PARD3B: variants seen among roughly 807,000 people sequenced by gnomAD.
PARD3B encodes the protein partitioning defective 3 homolog B.
In PARD3B, 103 loss-of-function variants were observed where a neutral mutation model predicts 130.2. That is an observed-to-expected ratio of 0.79 (90% CI 0.67 to 0.93). The LOEUF is 0.93. Ranked by LOEUF, PARD3B falls within the 40% of genes least tolerant of loss-of-function variation. The pLI is 0.00. For missense variants in PARD3B, 1,609 were observed against 1,499.2 expected, an observed-to-expected ratio of 1.07 and a Z score of -1.21; for synonymous variants, 583 against 553.2, an observed-to-expected ratio of 1.05 and a Z score of -0.76.
intron 2 of PARD3B, among the ~76,000 whole-genome samples, chr2:204,910,138 G>C (rs1215160008): frequency 6.6e-6 from 1 of 152,140 alleles, no homozygotes; most frequent in Non-Finnish European, 1.5e-5. Flanking sequence ...TTGGACAAAG[G>C]AAATGTGTAA....
intron 22 of PARD3B, among the ~76,000 whole-genome samples, chr2:205,567,122 A>G (rs2053367669): frequency 6.6e-6 from 1 of 152,166 alleles, no homozygotes; most frequent in South Asian, 2.1e-4. Context: ...AAGAGGAACA[A>G]GTATCCAATT....
At position 205,039,994 on chromosome 2, in the gene PARD3B, C is replaced by T. The variant is rs999860917; in HGVS notation, c.395-7587C>T. ...TTTGTTTGTTTTTGAGACAGAGTCTCGCTCTGTTACCGAGGCTGGAGTGCA... is the reference window on the plus strand; with the variant it reads ...TTTGTTTGTTTTTGAGACAGAGTCTTGCTCTGTTACCGAGGCTGGAGTGCA... On this transcript the variant is annotated intron_variant, in intron 3 of 22. Transcript: ENST00000406610. 6.6e-5 allele frequency among the ~76,000 whole-genome samples: 10 copies of T among 152,168 alleles called. No individual in the cohort carries two copies. The South Asian group carries it at 1.0e-3, about 16-fold the overall frequency.
chr2:204,555,214 A>G (rs1454288733), intron 1 of PARD3B, among the ~76,000 whole-genome samples: 9 of 152,116 alleles, frequency 5.9e-5, no homozygotes, highest in Non-Finnish European at 1.3e-4. Context: ...CTTCGCTCTG[A>G]ATGCCAGTTT....
Position 204,854,827 on chromosome 2 carries a change from G to A in PARD3B, c.223-110325G>A, listed in dbSNP as rs539698787. Among the ~76,000 whole-genome samples the A allele has an allele frequency of 3.0e-4, 46 of 152,150 alleles. 2 individuals carry two copies. The highest frequency in any genetic ancestry group is 6.5e-4 in the African/African-American group (27 of 41,514). On this transcript the variant is annotated intron_variant, in intron 2 of 22. Coordinates refer to ENST00000406610, the MANE Select transcript of PARD3B (RefSeq NM_001302769.2). ...TATACACCCTGGGGTTCATCACTGC[G>A]CGCCAGGAAAATTTAGGTCCTGGAC...
intron 20 of PARD3B, among the ~76,000 whole-genome samples, chr2:205,468,694 T>C (rs2048718223): frequency 6.6e-6 from 1 of 152,148 alleles, no homozygotes; most frequent in African/African-American, 2.4e-5. Context: ...ATTTTCACGG[T>C]GAGCATCAGG....
intron 3 of PARD3B, among the ~76,000 whole-genome samples, chr2:205,007,276 C>T (rs1383134601): frequency 2.0e-5 from 3 of 152,148 alleles, no homozygotes; most frequent in Admixed American, 1.3e-4. Flanking sequence ...TTCAATTAAA[C>T]CTCTTTCCTT....
intron 18 of PARD3B, among the ~76,000 whole-genome samples, chr2:205,350,063 T>C (rs970106433): frequency 4.6e-5 from 7 of 152,274 alleles, no homozygotes; most frequent in African/African-American, 1.4e-4. Context: ...CATATGAATG[T>C]TTCTTTAGTT....
rs536899584 is a variant in PARD3B, at chr2:205,122,054, T to A, written c.1165+105T>A. ...TTAGTTAATTCTCCCTTCATTTAAT[T>A]GTATCAAAGAATAGATTTAAGTGTA... On this transcript the variant is annotated intron_variant, in intron 8 of 22. Transcript: ENST00000406610. This position sits in a 1 kb window ranked among gnomAD's most constrained non-coding sequence, Gnocchi z 4.3. 3.5e-5 allele frequency: 34 copies of A among 963,412 alleles called. 1 individual carries two copies. The African/African-American group carries it at 3.8e-4, about 11-fold the overall frequency. 59.7% of individuals were successfully genotyped at this position (963,412 alleles called of 1,614,324 possible). A position where few individuals can be genotyped will look rare whatever the true frequency, so the allele number is the denominator to read the frequency against.
intron 10 of PARD3B, among the ~76,000 whole-genome samples, chr2:205,154,129 A>T (rs2033952051): frequency 6.6e-6 from 1 of 152,144 alleles, no homozygotes; most frequent in Admixed American, 6.5e-5. Flanking sequence ...ATGGGAGAAA[A>T]TTTTTGCAAT....
rs1313329746 is a variant in PARD3B at position 204,734,696 on chromosome 2, G to C, written c.222+48414G>C. Among the ~76,000 whole-genome samples the C allele has an allele frequency of 2.6e-5, 4 of 152,250 alleles. No homozygotes were observed. In the East Asian group the frequency reaches 5.8e-4, roughly 22 times the overall value. On this transcript the variant is annotated intron_variant, in intron 2 of 22. Coordinates refer to ENST00000406610, the MANE Select transcript of PARD3B (RefSeq NM_001302769.2). ...GATTCCATTAAATGAAATTCTTAAA[G>C]AGCAAAACTGTAATGATACAAATTA...
intron 15 of PARD3B, among the ~76,000 whole-genome samples, chr2:205,237,141 C>T (rs1444587275): frequency 1.3e-5 from 2 of 152,176 alleles, no homozygotes; most frequent in Non-Finnish European, 1.5e-5. Context: ...CCCTTGTCGT[C>T]CAGGCTAGGG....
intron 2 of PARD3B, among the ~76,000 whole-genome samples, chr2:204,876,179 T>C (rs1387982788): frequency 3.9e-5 from 6 of 152,210 alleles, no homozygotes; most frequent in Non-Finnish European, 7.3e-5. Context: ...AAGGACATAC[T>C]GTATTCAGTA....
At chr2:204,771,452 A>C (rs1306368496) in intron 2 of PARD3B, among the ~76,000 whole-genome samples, 1 of 152,114 alleles carries the variant, frequency 6.6e-6, no homozygotes, top group Non-Finnish European at 1.5e-5. Flanking sequence ...ATAGTTTGTC[A>C]TAGCACCATT....
intron 2 of PARD3B, among the ~76,000 whole-genome samples, chr2:204,926,746 G>GATACA (rs1687653002): frequency 6.6e-6 from 1 of 151,978 alleles, no homozygotes; most frequent in South Asian, 2.1e-4. Flanking sequence ...AGAACCCAAG[G>GATACA]ATACACTCTA....
intron 2 of PARD3B, among the ~76,000 whole-genome samples, chr2:204,724,829 G>A (rs180850625): frequency 2.1e-5 from 3 of 140,072 alleles, no homozygotes; most frequent in Non-Finnish European, 3.1e-5. Flanking sequence ...ATATGTCATC[G>A]AATAGTGGGG....
At chr2:204,988,221 T>C (rs1384496071) in intron 3 of PARD3B, among the ~76,000 whole-genome samples, 1 of 152,222 alleles carries the variant, frequency 6.6e-6, no homozygotes, top group Non-Finnish European at 1.5e-5. Context: ...TCTGACATTT[T>C]GGAAATATTG....
At chr2:204,831,377 A>C (rs1273517954) in intron 2 of PARD3B, among the ~76,000 whole-genome samples, 1 of 152,242 alleles carries the variant, frequency 6.6e-6, no homozygotes, top group East Asian at 1.9e-4. Flanking sequence ...TATCACGCTT[A>C]TATAAAAACT....
Position 205,268,543 on chromosome 2 carries a change from C to G in PARD3B, c.2185+22721C>G, listed in dbSNP as rs916723442. 1.3e-5 allele frequency among the ~76,000 whole-genome samples: 2 copies of G among 151,876 alleles called. No individual in the cohort carries two copies. Reference sequence around the variant, plus strand: ...GAGAAAGAAAATTGAGTTTCAAGGACGTAGAAAAATCTGATTTGAAATCAG... The same window carrying G: ...GAGAAAGAAAATTGAGTTTCAAGGAGGTAGAAAAATCTGATTTGAAATCAG... On this transcript the variant is annotated intron_variant, in intron 16 of 22. Transcript: ENST00000406610. The surrounding 1 kb of genome is among the most constrained non-coding windows in gnomAD (Gnocchi z 4.1).
At chr2:204,859,584 A>C (rs993073039) in intron 2 of PARD3B, among the ~76,000 whole-genome samples, 7 of 152,186 alleles carry the variant, frequency 4.6e-5, no homozygotes, top group African/African-American at 1.7e-4. Context: ...TTATAAATGA[A>C]CTTGATTCCT....
Sources: gnomAD v4.1 joint callset for allele counts (sites outside exome capture counted in the v4.1 genomes callset) on GRCh38, gnomAD v4.1.1 for gene constraint, Gnocchi (gnomAD v3.1) non-coding constraint, MANE v1.5 for transcripts, NCBI Gene and HGNC (gene_info 2026-07-23, HGNC 2026-07-21) for gene names.